The following LDLRAD2 variants were observed in gnomAD, a reference collection of about 807,000 sequenced individuals.
The protein encoded by LDLRAD2 is low density lipoprotein receptor class A domain containing 2.
A neutral mutation model predicts 24.9 loss-of-function variants in LDLRAD2; 25 were observed. That is an observed-to-expected ratio of 1.00 (90% confidence interval 0.73 to 1.40). The LOEUF is 1.40. Ranked by LOEUF, LDLRAD2 falls within the 40% of genes most tolerant of loss-of-function variation. LDLRAD2 has a pLI of 0.00. For missense variants in LDLRAD2, 391 were observed against 366.2 expected, an observed-to-expected ratio of 1.07 and a Z score of -0.55; for synonymous variants, 182 against 166.7, an observed-to-expected ratio of 1.09 and a Z score of -0.71.
Position 21,814,667 on chromosome 1 carries a change from C to T in LDLRAD2, c.355C>T (p.Pro119Ser). The T allele has an allele frequency of 6.3e-7, 1 of 1,584,854 alleles. No individual in the cohort carries two copies. Among genetic ancestry groups the T allele is most frequent in the Non-Finnish European group, 8.6e-7 (1 of 1,166,666 alleles). ...CTCCTACCTGCAGTTCTACGAGGGCCCGCCGGGGGCGCCCCGGCCCCTGGG... is the reference window on the plus strand; with the variant it reads ...CTCCTACCTGCAGTTCTACGAGGGCTCGCCGGGGGCGCCCCGGCCCCTGGG... Reference protein sequence around the residue: ...PGSYLQFYEGPPGAPRPLGSP... With the variant: ...PGSYLQFYEGSPGAPRPLGSP... The change falls in exon 2 of 5, where the codon CCG (proline) becomes TCG (serine). Residue 119 changes from proline (P) to serine (S), a missense_variant. By Grantham distance (74) the Pro-to-Ser change is moderately conservative. Transcript: ENST00000344642.
chr1:21,818,027 C>T (rs1281987651), intron 3 of LDLRAD2, among the ~76,000 whole-genome samples: 4 of 151,822 alleles, frequency 2.6e-5, no homozygotes, highest in Non-Finnish European at 5.9e-5. Context: ...CAGGTGCACA[C>T]CACCACGCTC....
intron 4 of LDLRAD2, 194 bp downstream of exon 4, chr1:21,821,805 G>A: frequency 7.0e-7 from 1 of 1,433,150 alleles, no homozygotes; most frequent in Non-Finnish European, 9.1e-7. Context: ...CTCTGGTGCT[G>A]TTGCTCTCCC....
rs777402754 is a variant in LDLRAD2, at chr1:21,824,630, C to T, written c.*2415C>T. 15 of 1,613,828 alleles carry T rather than the reference C, an allele frequency of 9.3e-6. No individual in the cohort carries two copies. Among genetic ancestry groups the T allele is most frequent in the African/African-American group, 8.0e-5 (6 of 74,924 alleles). Reference sequence around the variant, plus strand: ...CCTCGGGCAGGCTGCGGAGGAAGAGCGGGTGAGGGGACAGAAGTCCCAGAT... The same window carrying T: ...CCTCGGGCAGGCTGCGGAGGAAGAGTGGGTGAGGGGACAGAAGTCCCAGAT... On this transcript the variant is annotated 3_prime_UTR_variant, in exon 5 of 5. Transcript: ENST00000344642. The surrounding 1 kb of genome is among the most constrained non-coding windows in gnomAD (Gnocchi z 5.9).
chr1:21,814,705 C>T lies in LDLRAD2; in HGVS notation c.393C>T (p.Cys131=), dbSNP rs748847673. 37 of 1,565,848 alleles carry T rather than the reference C, an allele frequency of 2.4e-5. No individual in the cohort carries two copies. The highest frequency in any genetic ancestry group is 2.9e-5 in the Non-Finnish European group (33 of 1,156,760). The change falls in exon 2 of 5, where the codon TGC becomes TGT. Residue 131 remains cysteine (C), a synonymous_variant. Coordinates refer to ENST00000344642, the MANE Select transcript of LDLRAD2 (RefSeq NM_001013693.3). ...CCCGGCCCCTGGGGTCCCCACTGTGCGGCCTGAACATCCCGGTGCCTGTGG... is the reference window on the plus strand; with the variant it reads ...CCCGGCCCCTGGGGTCCCCACTGTGTGGCCTGAACATCCCGGTGCCTGTGG... The part of the protein sequence containing the change: ...GAPRPLGSPL[C]GLNIPVPVAS...
chr1:21,815,735 T>C (rs1572109140), intron 2 of LDLRAD2, among the ~76,000 whole-genome samples: 1 of 152,220 alleles, frequency 6.6e-6, no homozygotes. Context: ...TTTACGGCTG[T>C]GCATGGCACA....
intron 4 of LDLRAD2, 148 bp from the exon 5 acceptor site, chr1:21,822,054 G>A: frequency 6.7e-7 from 1 of 1,493,872 alleles, no homozygotes; most frequent in South Asian, 1.3e-5. Context: ...ATGTTGGACA[G>A]GCCCCCTAAC....
intron 3 of LDLRAD2, 40 bp downstream of exon 3, chr1:21,816,114 G>A (rs1232432484): frequency 1.2e-6 from 2 of 1,602,566 alleles, no homozygotes; most frequent in Admixed American, 3.4e-5. Flanking sequence ...TGAACAGCTG[G>A]AGGGAAGCCT....
At position 21,823,697 on chromosome 1, in the gene LDLRAD2, G is replaced by A. The variant is rs2097958823; in HGVS notation, c.*1482G>A. On this transcript the variant is annotated 3_prime_UTR_variant, in exon 5 of 5. Transcript: ENST00000344642. Reference sequence around the variant, plus strand: ...CTGACCAGCTCCTCACCGTCGACTTGGATGGAACCTCTGCGGCCCTCCCTG... The same window carrying A: ...CTGACCAGCTCCTCACCGTCGACTTAGATGGAACCTCTGCGGCCCTCCCTG... The A allele has an allele frequency of 6.2e-7, 1 of 1,613,486 alleles. No individual in the cohort carries two copies. The highest frequency in any genetic ancestry group is 1.7e-5 in the Admixed American group (1 of 59,998).
Position 21,823,491 on chromosome 1 carries a change from G to A in LDLRAD2, c.*1276G>A. ...CGTGGCCACGTCAGGGGCTCCGCCT[G>A]CCGGGAGGTGAGAGGACAGGGCCTG... On this transcript the variant is annotated 3_prime_UTR_variant, in exon 5 of 5. Transcript: ENST00000344642. 6.2e-7 allele frequency: 1 copy of A among 1,603,992 alleles called. No individual in the cohort carries two copies. Among genetic ancestry groups the A allele is most frequent in the Non-Finnish European group, 8.5e-7 (1 of 1,178,632 alleles).
rs894474112 is a variant in LDLRAD2 at position 21,812,377 on chromosome 1, T to C, written c.-75T>C. The C allele has an allele frequency of 8.2e-7, 1 of 1,215,764 alleles. No homozygotes were observed. Among genetic ancestry groups the C allele is most frequent in the African/African-American group, 1.5e-5 (1 of 67,230 alleles). 75.3% of individuals were successfully genotyped at this position (1,215,764 alleles called of 1,614,324 possible). On this transcript the variant is annotated 5_prime_UTR_variant, in exon 1 of 5. Transcript: ENST00000344642. ...TCCCTGCTGGCCTGACCAGGCCCCA[T>C]ACTCCAGTCTCCCCAGAGACCCCAA...
Position 21,824,181 on chromosome 1 carries a change from G to A in LDLRAD2, c.*1966G>A. 1.2e-6 allele frequency: 2 copies of A among 1,613,698 alleles called. No individual in the cohort carries two copies. The highest frequency in any genetic ancestry group is 2.2e-5 in the East Asian group (1 of 44,866). ...GATGGGGTCCTCAGAGACCAGGCGG[G>A]CCTCCCCACTACCCAGCTGGTACCT... is the stretch of plus-strand genomic sequence containing the variant. On this transcript the variant is annotated 3_prime_UTR_variant, in exon 5 of 5. Transcript: ENST00000344642. The surrounding 1 kb of genome is among the most constrained non-coding windows in gnomAD (Gnocchi z 5.9).
intron 3 of LDLRAD2, among the ~76,000 whole-genome samples, chr1:21,817,463 C>T (rs2097945069): frequency 6.6e-6 from 1 of 152,070 alleles, no homozygotes; most frequent in Admixed American, 6.6e-5. Flanking sequence ...CCACCTCAGC[C>T]CCCAGAGTAG....
In LDLRAD2 at chr1:21,818,839, T is replaced by C. The variant is rs1051384902; in HGVS notation, c.644-2611T>C. ...TGCACGATCTGGCCCTGCCCCTTCT[T>C]TCCTGGCCTCGCCTCTTCCTTCCTG... is the stretch of plus-strand genomic sequence containing the variant. On this transcript the variant is annotated intron_variant, in intron 3 of 4. Transcript: ENST00000344642. Among the ~76,000 whole-genome samples the C allele has an allele frequency of 1.0e-3, 154 of 151,038 alleles. 1 individual carries two copies. The highest frequency in any genetic ancestry group is 3.5e-3 in the African/African-American group (143 of 41,096).
At chr1:21,817,671 C>G (rs561429156) in intron 3 of LDLRAD2, among the ~76,000 whole-genome samples, 2 of 152,214 alleles carry the variant, frequency 1.3e-5, no homozygotes, top group African/African-American at 4.8e-5. Context: ...GAAGATAGTA[C>G]AGAAAATTCT....
rs1553155337 is a variant in LDLRAD2 at position 21,823,665 on chromosome 1, C to T, written c.*1450C>T. The T allele has an allele frequency of 1.2e-6, 2 of 1,613,656 alleles. No homozygotes were observed. The highest frequency in any genetic ancestry group is 1.7e-6 in the Non-Finnish European group (2 of 1,179,950). ...TGACTGCCACGTTGGGACCTGGGGA[C>T]CGGCCGCTGACCAGCTCCTCACCGT... On this transcript the variant is annotated 3_prime_UTR_variant, in exon 5 of 5. Coordinates refer to ENST00000344642, the MANE Select transcript of LDLRAD2 (RefSeq NM_001013693.3).
At position 21,825,141 on chromosome 1, in the gene LDLRAD2, T is replaced by C. The variant is rs2097966751; in HGVS notation, c.*2926T>C. 2.9e-6 allele frequency: 1 copy of C among 343,646 alleles called. No individual in the cohort carries two copies. The highest frequency in any genetic ancestry group is 2.1e-5 in the African/African-American group (1 of 47,420). 21.3% of individuals were successfully genotyped at this position (343,646 alleles called of 1,614,324 possible). ...ATTTACACATATTGCTGCTTTGAAA[T>C]TGTGGTAGCTACTGAGATCACCAGA... On this transcript the variant is annotated 3_prime_UTR_variant, in exon 5 of 5. Transcript: ENST00000344642.
At chr1:21,819,295 C>G (rs1002952723) in intron 3 of LDLRAD2, among the ~76,000 whole-genome samples, 3 of 151,886 alleles carry the variant, frequency 2.0e-5, no homozygotes, top group Non-Finnish European at 4.4e-5. Flanking sequence ...ATCACTTGAA[C>G]CCGGGAGGCA....
Position 21,812,396 on chromosome 1 carries a change from A to AC in LDLRAD2, c.-52dup. ...GCCCCATACTCCAGTCTCCCCAGAG[A>AC]CCCCAAGCTGAAGATTCTGTGGGTC... On this transcript the variant is annotated 5_prime_UTR_variant, in exon 1 of 5. Transcript: ENST00000344642. 6.9e-7 allele frequency: 1 copy of AC among 1,445,158 alleles called. No individual in the cohort carries two copies. Among genetic ancestry groups the AC allele is most frequent in the Non-Finnish European group, 9.7e-7 (1 of 1,029,034 alleles). 89.5% of individuals were successfully genotyped at this position (1,445,158 alleles called of 1,614,324 possible). A position where few individuals can be genotyped will look rare whatever the true frequency, so the allele number is the denominator to read the frequency against.
intron 2 of LDLRAD2, 147 bp from the exon 3 acceptor site, chr1:21,815,796 G>A: frequency 1.1e-6 from 1 of 900,764 alleles, no homozygotes; most frequent in East Asian, 2.5e-5. Flanking sequence ...TCCTCCCCAT[G>A]AAACACTCAT....
Sources: gnomAD v4.1 joint callset for allele counts (sites outside exome capture counted in the v4.1 genomes callset) on GRCh38, gnomAD v4.1.1 for gene constraint, Gnocchi (gnomAD v3.1) non-coding constraint, MANE v1.5 for transcripts, NCBI Gene and HGNC (gene_info 2026-07-23, HGNC 2026-07-21) for gene names.